SLC2A9: variants seen among roughly 807,000 people sequenced by gnomAD.
SLC2A9 encodes solute carrier family 2, facilitated glucose transporter member 9.
In SLC2A9, 39 loss-of-function variants were observed where a neutral mutation model predicts 50.6. The observed-to-expected ratio is 0.77, with a 90% confidence interval of 0.60 to 1.01. The LOEUF (loss-of-function observed/expected upper bound fraction) is 1.01. Among genes scored for constraint, SLC2A9 ranks in the 50% least tolerant of loss-of-function variants. The probability of loss-of-function intolerance (pLI) is 0.00; values close to 1 mark genes in which losing one functional copy is unlikely to be tolerated. For missense variants in SLC2A9, 686 were observed against 677.6 expected, an observed-to-expected ratio of 1.01 and a Z score of -0.14; for synonymous variants, 324 against 276.9, an observed-to-expected ratio of 1.17 and a Z score of -1.69.
chr4:9,887,526 G>C, intron 10 of SLC2A9, 41 bp downstream of exon 10: 1 of 1,533,570 alleles, frequency 6.5e-7, no homozygotes, highest in Non-Finnish European at 8.8e-7. Context: ...GTGATGCCAT[G>C]AGTCCCTGGG....
intron 6 of SLC2A9, among the ~76,000 whole-genome samples, chr4:9,938,667 T>C (rs998306091): frequency 1.3e-5 from 2 of 152,226 alleles, no homozygotes; most frequent in Non-Finnish European, 2.9e-5. Context: ...TTCAGTGAAT[T>C]CAGGTTTGAA....
At chr4:9,960,586 G>A (rs1752108693) in intron 5 of SLC2A9, among the ~76,000 whole-genome samples, 3 of 152,192 alleles carry the variant, frequency 2.0e-5, no homozygotes, top group South Asian at 4.1e-4. Context: ...ATTCAACAGA[G>A]GAAGAGAAAG....
chr4:9,950,107 C>T (rs1298298191), intron 5 of SLC2A9, among the ~76,000 whole-genome samples: 1 of 152,210 alleles, frequency 6.6e-6, no homozygotes, highest in African/African-American at 2.4e-5. Context: ...ACCCTCTCCA[C>T]ACCTGACCCC....
At chr4:9,958,309 C>G (rs1299888624) in intron 5 of SLC2A9, among the ~76,000 whole-genome samples, 1 of 151,900 alleles carries the variant, frequency 6.6e-6, no homozygotes, top group South Asian at 2.1e-4. Flanking sequence ...GAAAATAAAC[C>G]AAGAAAAAAA....
intron 10 of SLC2A9, among the ~76,000 whole-genome samples, chr4:9,836,911 C>G (rs372346996): frequency 2.6e-5 from 4 of 152,162 alleles, no homozygotes; most frequent in Admixed American, 2.6e-4. Context: ...TCAAGGTAAG[C>G]ATTGCACATA....
chr4:9,852,065 A>C (rs1730017330), intron 10 of SLC2A9, among the ~76,000 whole-genome samples: 1 of 152,314 alleles, frequency 6.6e-6, no homozygotes, highest in African/African-American at 2.4e-5. Context: ...ACTATATAAG[A>C]TGAACATCCC....
intron 10 of SLC2A9, among the ~76,000 whole-genome samples, chr4:9,850,039 T>A (rs1729615389): frequency 6.6e-6 from 1 of 150,712 alleles, no homozygotes; most frequent in South Asian, 2.1e-4. Context: ...TCAAGCCACA[T>A]CTTCAGAGAG....
chr4:9,814,162 GA>G (rs1271758576), intron 3 of SLC2A9, among the ~76,000 whole-genome samples: 1 of 151,918 alleles, frequency 6.6e-6, no homozygotes, highest in Non-Finnish European at 1.5e-5. Context: ...GAAATGGATA[GA>G]AGTTATCCAA....
In SLC2A9 at chr4:9,871,134, G is replaced by A. The variant is rs556402007; in HGVS notation, c.1291+16433C>T. Among the ~76,000 whole-genome samples the A allele has an allele frequency of 3.2e-4, 48 of 152,254 alleles. 1 individual carries two copies. The highest frequency in any genetic ancestry group is 6.3e-4 in the Non-Finnish European group (43 of 68,006). ...GTTCCCTGGTCTTCTTGAAAAAGCA[G>A]AAAGTGCACCATAACCTTGGCAGGC... On this transcript the variant is annotated intron_variant, in intron 10 of 11. Transcript: ENST00000264784.
intron 4 of SLC2A9, among the ~76,000 whole-genome samples, chr4:9,982,845 G>T (rs1427900521): frequency 2.0e-5 from 3 of 152,210 alleles, no homozygotes; most frequent in Non-Finnish European, 4.4e-5. Flanking sequence ...TCAATACGTA[G>T]AACATCGTTT....
intron 2 of SLC2A9, among the ~76,000 whole-genome samples, chr4:10,014,426 TC>T (rs1762272952): frequency 6.6e-6 from 1 of 152,186 alleles, no homozygotes; most frequent in African/African-American, 2.4e-5. Flanking sequence ...CGGAAGGGCC[TC>T]CCAGGGCGAG....
chr4:9,845,427 CTTTTTTTT>C (rs1175166447), intron 10 of SLC2A9, among the ~76,000 whole-genome samples: 2 of 108,692 alleles, frequency 1.8e-5, no homozygotes, highest in Non-Finnish European at 3.6e-5. Flanking sequence ...TCATCAATTT[CTTTTTTTT>C]TTTTTTTTTT....
At chr4:9,798,790 G>A (rs1238353870), downstream of SLC2A9, 2 of 152,192 alleles carry the variant, frequency 1.3e-5, no homozygotes, top group African/African-American at 2.4e-5. Flanking sequence ...TCTAACTCAG[G>A]CTTAATCACA....
chr4:9,889,438 G>A (rs1395506462), intron 9 of SLC2A9, among the ~76,000 whole-genome samples: 1 of 152,202 alleles, frequency 6.6e-6, no homozygotes, highest in Non-Finnish European at 1.5e-5. Context: ...CAATGGCCTG[G>A]AACATCGCCT....
chr4:9,785,506 A>C (rs1464641394), intron 3 of SLC2A9, among the ~76,000 whole-genome samples: 1 of 152,194 alleles, frequency 6.6e-6, no homozygotes, highest in Non-Finnish European at 1.5e-5. Flanking sequence ...AATCTAACTG[A>C]TCTGGAAGTT....
At chr4:9,793,761 G>A (rs1294641763) in intron 3 of SLC2A9, among the ~76,000 whole-genome samples, 1 of 152,170 alleles carries the variant, frequency 6.6e-6, no homozygotes, top group Non-Finnish European at 1.5e-5. Context: ...GAGCTAAAGG[G>A]AATGAAGATT....
At position 9,980,665 on chromosome 4, in the gene SLC2A9, T is replaced by C; in HGVS notation, c.608A>G (p.Gln203Arg). ...SPKEIRGSLGQVTAIFICIGV... is the reference protein window; with the variant it reads ...SPKEIRGSLGRVTAIFICIGV... ...AATGCAGATAAAGATGGCAGTCACC[T>C]GCCCCAGAGAGCCACGGATCTCCTT... Residue 203 changes from glutamine to arginine, a missense_variant, in exon 5 of 12, where the codon CAG (glutamine) becomes CGG (arginine). Coordinates refer to ENST00000264784, the MANE Select transcript of SLC2A9 (RefSeq NM_020041.3). The C allele has an allele frequency of 6.2e-7, 1 of 1,614,204 alleles. No homozygotes were observed. The highest frequency in any genetic ancestry group is 1.1e-5 in the South Asian group (1 of 91,088).
intron 8 of SLC2A9, among the ~76,000 whole-genome samples, chr4:9,902,093 C>G (rs747809303): frequency 2.4e-4 from 36 of 152,200 alleles, no homozygotes; most frequent in Middle Eastern, 3.2e-3. Context: ...GCTTCTTTTG[C>G]CTGACATGCT....
Position 10,021,324 on chromosome 4 carries a change from A to T in SLC2A9, c.106T>A (p.Cys36Ser). Reference protein sequence around the residue: ...PPGPGRALLECDHLRSGVPGG... With the variant: ...PPGPGRALLESDHLRSGVPGG... Reference sequence around the variant, plus strand: ...GGCACCCCACTCCTCAGGTGGTCACACTCCAGCAGTGCCCTCCCTGGCCCT... The same window carrying T: ...GGCACCCCACTCCTCAGGTGGTCACTCTCCAGCAGTGCCCTCCCTGGCCCT... Residue 36 changes from cysteine (C) to serine (S), a missense_variant, in exon 1 of 12, where the codon TGT becomes AGT. Coordinates refer to ENST00000264784, the MANE Select transcript of SLC2A9 (RefSeq NM_020041.3). The T allele has an allele frequency of 1.9e-6, 3 of 1,613,984 alleles. No individual in the cohort carries two copies. The highest frequency in any genetic ancestry group is 2.5e-6 in the Non-Finnish European group (3 of 1,179,990).
Sources: allele counts gnomAD v4.1 joint callset (sites outside exome capture counted in the v4.1 genomes callset), GRCh38; gene constraint gnomAD v4.1.1; transcripts MANE v1.5; gene names NCBI Gene and HGNC (gene_info 2026-07-23, HGNC 2026-07-21).